The following TRMT9B variants were observed in gnomAD, a reference collection of about 807,000 sequenced individuals.
TRMT9B encodes the protein probable tRNA methyltransferase 9B.
TRMT9B carries 16 observed loss-of-function variants against 11.5 expected under a neutral mutation model. The observed-to-expected ratio is 1.39, with a 90% CI of 0.94 to 2.11. TRMT9B has a LOEUF of 2.11. TRMT9B is among the 30% of genes most tolerant of loss of function. The probability of loss-of-function intolerance (pLI) is 0.00; values close to 1 mark genes in which losing one functional copy is unlikely to be tolerated. For missense variants in TRMT9B, 941 were observed against 553.8 expected, an observed-to-expected ratio of 1.70 and a Z score of -7.02; for synonymous variants, 274 against 192.4, an observed-to-expected ratio of 1.42 and a Z score of -3.51.
chr8:13,029,250 C>T lies in TRMT9B; in HGVS notation c.*7206C>T, dbSNP rs529962192. 1.2e-5 allele frequency: 2 copies of T among 167,088 alleles called. No individual in the cohort carries two copies. The highest frequency in any genetic ancestry group is 4.1e-4 in the South Asian group (2 of 4,820). 10.4% of individuals were successfully genotyped at this position (167,088 alleles called of 1,614,324 possible). ...ATTATTAGATGTTATAGTGCCTCTT[C>T]TCGTGTTGATACGTGTATTTGGGTC... On this transcript the variant is annotated 3_prime_UTR_variant, in exon 5 of 5. Transcript: ENST00000524591.
At chr8:13,019,840 C>T (rs1029762285) in intron 4 of TRMT9B, among the ~76,000 whole-genome samples, 2 of 152,192 alleles carry the variant, frequency 1.3e-5, no homozygotes, top group African/African-American at 4.8e-5. Context: ...AAAGTTCTAG[C>T]AGAATGAAAT....
chr8:12,988,226 C>T (rs2946486), intron 1 of TRMT9B, among the ~76,000 whole-genome samples: 1 of 152,168 alleles, frequency 6.6e-6, no homozygotes, highest in Admixed American at 6.6e-5. Flanking sequence ...CTCCCCCTTC[C>T]CACTCCAGGC....
chr8:12,967,470 C>A (rs1247972684), intron 1 of TRMT9B, among the ~76,000 whole-genome samples: 1 of 152,168 alleles, frequency 6.6e-6, no homozygotes, highest in Non-Finnish European at 1.5e-5. Flanking sequence ...TTGTTTACCC[C>A]AGAGATTTTT....
intron 1 of TRMT9B, among the ~76,000 whole-genome samples, chr8:12,978,571 C>G (rs944281403): frequency 3.9e-5 from 6 of 151,906 alleles, no homozygotes; most frequent in African/African-American, 1.5e-4. Flanking sequence ...TAGATAGATT[C>G]TTGCACTATG....
intron 1 of TRMT9B, among the ~76,000 whole-genome samples, chr8:12,963,105 G>T (rs943788757): frequency 6.6e-6 from 1 of 152,140 alleles, no homozygotes; most frequent in East Asian, 1.9e-4. Flanking sequence ...TTTACATGGA[G>T]CTTTTTATTA....
At chr8:13,001,347 G>A (rs1363893439) in intron 2 of TRMT9B, among the ~76,000 whole-genome samples, 1 of 152,144 alleles carries the variant, frequency 6.6e-6, no homozygotes, top group Non-Finnish European at 1.5e-5. Flanking sequence ...GAAAGAGGAG[G>A]CACAAGGCTC....
At position 12,951,918 on chromosome 8, in the gene TRMT9B, C is replaced by T. The variant is rs966548590; in HGVS notation, c.-200+5952C>T. The stretch of plus-strand genomic sequence containing the variant: ...GCGCCGGACGCCGGGGGGCGCCTCG[C>T]TGCAACTTCTCTTTGGAAGCCCCGA... On this transcript the variant is annotated intron_variant, in intron 1 of 4. Coordinates refer to ENST00000524591, the MANE Select transcript of TRMT9B (RefSeq NM_020844.3). 9.8e-5 allele frequency: 15 copies of T among 152,464 alleles called. No individual in the cohort carries two copies. In the East Asian group the frequency reaches 2.1e-3, roughly 22 times the overall value. The allele number at this position is 152,464 out of a possible 1,614,324, so 9.4% of individuals were successfully genotyped here.
At chr8:12,985,514 G>A (rs1213977511) in intron 1 of TRMT9B, among the ~76,000 whole-genome samples, 3 of 152,036 alleles carry the variant, frequency 2.0e-5, no homozygotes, top group Non-Finnish European at 2.9e-5. Flanking sequence ...GTATCCACCC[G>A]TCATATGCTT....
intron 1 of TRMT9B, among the ~76,000 whole-genome samples, chr8:12,986,017 G>A (rs183222049): frequency 1.3e-5 from 2 of 151,954 alleles, no homozygotes; most frequent in African/African-American, 2.4e-5. Context: ...AGGTGTTACC[G>A]CACCTGGCTA....
At chr8:12,977,551 A>G (rs1804651054) in intron 1 of TRMT9B, among the ~76,000 whole-genome samples, 1 of 152,060 alleles carries the variant, frequency 6.6e-6, no homozygotes, top group South Asian at 2.1e-4. Flanking sequence ...AAATACAAAA[A>G]TTAGCTGGGC....
At chr8:12,966,029 A>G (rs1585117759) in intron 1 of TRMT9B, among the ~76,000 whole-genome samples, 3 of 151,736 alleles carry the variant, frequency 2.0e-5, no homozygotes, top group East Asian at 3.9e-4. Flanking sequence ...AAAAAAAAAA[A>G]AAGAAGCACT....
intron 1 of TRMT9B, among the ~76,000 whole-genome samples, chr8:12,982,564 A>C (rs1585195484): frequency 1.3e-5 from 2 of 152,028 alleles, no homozygotes; most frequent in Non-Finnish European, 2.9e-5. Flanking sequence ...CGGGAGGCTG[A>C]GATGGGAACA....
At chr8:12,946,838 A>T (rs370753980) in intron 1 of TRMT9B, among the ~76,000 whole-genome samples, 1 of 152,192 alleles carries the variant, frequency 6.6e-6, no homozygotes, top group East Asian at 1.9e-4. Flanking sequence ...AAACCCTATA[A>T]GAGAAGAAAC....
At chr8:13,010,976 G>A (rs1254280810) in intron 3 of TRMT9B, 1 of 902,382 alleles carries the variant, frequency 1.1e-6, no homozygotes, top group African/African-American at 1.8e-5. Flanking sequence ...TAATAATCCT[G>A]GAATTGTTTT....
chr8:12,977,406 G>C (rs531374579), intron 1 of TRMT9B, among the ~76,000 whole-genome samples: 226 of 152,236 alleles, frequency 1.5e-3, no homozygotes, highest in African/African-American at 5.2e-3. Context: ...ATTTTCTTGA[G>C]TTAAAAATAT....
intron 1 of TRMT9B, among the ~76,000 whole-genome samples, chr8:12,988,311 G>A (rs924615345): frequency 1.3e-5 from 2 of 152,052 alleles, no homozygotes; most frequent in African/African-American, 4.8e-5. Flanking sequence ...CAGATAAGGG[G>A]TATTGACATT....
chr8:12,978,549 TAGATA>T (rs1436691483), intron 1 of TRMT9B, among the ~76,000 whole-genome samples: 1 of 150,884 alleles, frequency 6.6e-6, no homozygotes, highest in Non-Finnish European at 1.5e-5. Flanking sequence ...GATAGATAGA[TAGATA>T]GATAGATAGA....
At chr8:12,947,584 T>C (rs1168763193) in intron 1 of TRMT9B, among the ~76,000 whole-genome samples, 2 of 152,246 alleles carry the variant, frequency 1.3e-5, no homozygotes, top group Non-Finnish European at 2.9e-5. Flanking sequence ...TTTTGAGGCT[T>C]ATGGCAACAC....
intron 1 of TRMT9B, among the ~76,000 whole-genome samples, chr8:12,971,360 G>A (rs1028212049): frequency 3.3e-5 from 5 of 152,218 alleles, no homozygotes; most frequent in Middle Eastern, 3.4e-3. Context: ...GCCAGGGAAC[G>A]GCGGGCCTGG....
Sources: gnomAD v4.1 joint callset for allele counts (sites outside exome capture counted in the v4.1 genomes callset) on GRCh38, gnomAD v4.1.1 for gene constraint, MANE v1.5 for transcripts, NCBI Gene and HGNC (gene_info 2026-07-23, HGNC 2026-07-21) for gene names.